MEI4: variants seen among roughly 807,000 people sequenced by gnomAD.
The protein encoded by MEI4 is meiotic double-stranded break formation protein 4, also known as meiosis-specific protein MEI4.
Under a neutral mutation model 31.4 loss-of-function variants are expected in MEI4, and 27 were observed. The observed-to-expected ratio is 0.86, with a 90% CI of 0.63 to 1.19. The LOEUF (loss-of-function observed/expected upper bound fraction) is 1.19, where lower values mean the gene tolerates loss of function less well. Among genes scored for constraint, MEI4 ranks in the 50% most tolerant of loss-of-function variants. MEI4 has a pLI of 0.00. For missense variants in MEI4, 329 were observed against 398.9 expected (o/e 0.82, Z 1.49); for synonymous variants, 122 against 145.4 (o/e 0.84, Z 1.16).
chr6:77,733,153 G>A lies in MEI4; in HGVS notation c.233-27977G>A, dbSNP rs533771082. Among the ~76,000 whole-genome samples the A allele has an allele frequency of 2.5e-4, 38 of 152,006 alleles. No individual in the cohort carries two copies. In the East Asian group the frequency reaches 6.8e-3, roughly 27 times the overall value. ...GATGCTGGCTTCATAAAATGAGTTA[G>A]GGAGGATTCCCTCTTTTTCTATTGA... On this transcript the variant is annotated intron_variant, in intron 2 of 4. Transcript: ENST00000684080.
At chr6:77,852,170 C>G (rs1281999613) in intron 4 of MEI4, among the ~76,000 whole-genome samples, 1 of 152,164 alleles carries the variant, frequency 6.6e-6, no homozygotes, top group African/African-American at 2.4e-5. Context: ...CTCAGCCTCT[C>G]TGTATCAGAA....
At chr6:77,911,039 A>G (rs927011050) in intron 4 of MEI4, among the ~76,000 whole-genome samples, 8 of 146,348 alleles carry the variant, frequency 5.5e-5, no homozygotes, top group East Asian at 2.0e-4. Flanking sequence ...ATTTTTTTGT[A>G]TAACTGTTAC....
intron 2 of MEI4, among the ~76,000 whole-genome samples, chr6:77,754,842 A>G (rs773419757): frequency 5.5e-4 from 83 of 151,870 alleles, no homozygotes; most frequent in Non-Finnish European, 1.1e-3. Context: ...TCTTGTGACA[A>G]CTCACTCACT....
intron 2 of MEI4, among the ~76,000 whole-genome samples, chr6:77,733,039 T>G (rs1362375073): frequency 6.6e-6 from 1 of 151,934 alleles, no homozygotes; most frequent in Non-Finnish European, 1.5e-5. Flanking sequence ...CAGTATTTTA[T>G]TGAGGATTTT....
At chr6:77,816,194 GT>G (rs1170720899) in intron 3 of MEI4, among the ~76,000 whole-genome samples, 1 of 152,054 alleles carries the variant, frequency 6.6e-6, no homozygotes, top group Non-Finnish European at 1.5e-5. Context: ...TGATATGTTT[GT>G]ATTCTAGATA....
intron 3 of MEI4, among the ~76,000 whole-genome samples, chr6:77,809,991 G>A (rs531393211): frequency 6.1e-4 from 93 of 152,058 alleles, no homozygotes; most frequent in Non-Finnish European, 1.1e-3. Context: ...CTAATATCAT[G>A]TGCAGTTGGC....
intron 4 of MEI4, among the ~76,000 whole-genome samples, chr6:77,835,926 A>G (rs1312975249): frequency 6.6e-6 from 1 of 152,136 alleles, no homozygotes; most frequent in African/African-American, 2.4e-5. Flanking sequence ...AGAGCTACCC[A>G]AATATACCAT....
intron 3 of MEI4, among the ~76,000 whole-genome samples, chr6:77,800,592 A>T (rs1769224570): frequency 6.6e-6 from 1 of 152,168 alleles, no homozygotes; most frequent in African/African-American, 2.4e-5. Context: ...GAATGCTTCC[A>T]GTTTTTGCCC....
intron 3 of MEI4, among the ~76,000 whole-genome samples, chr6:77,792,717 AT>A (rs1202853502): frequency 5.1e-3 from 709 of 140,128 alleles, no homozygotes; most frequent in Middle Eastern, 0.014. Flanking sequence ...TCCCAACACT[AT>A]TTTTTTTTTT....
chr6:77,716,435 T>G (rs79104649), intron 2 of MEI4, among the ~76,000 whole-genome samples: 20,936 of 151,956 alleles, frequency 0.14, 1,527 homozygotes, highest in Middle Eastern at 0.21. Flanking sequence ...TTGAAAAAAA[T>G]GCAGTTTTTA....
At chr6:77,769,442 A>C (rs1190655041) in intron 3 of MEI4, among the ~76,000 whole-genome samples, 1 of 152,148 alleles carries the variant, frequency 6.6e-6, no homozygotes, top group Admixed American at 6.5e-5. Flanking sequence ...AAGGACTGCA[A>C]TTCCTGCACA....
chr6:77,904,155 T>A (rs1164880840), intron 4 of MEI4, among the ~76,000 whole-genome samples: 1 of 152,250 alleles, frequency 6.6e-6, no homozygotes, highest in African/African-American at 2.4e-5. Flanking sequence ...AATTACTTAT[T>A]TTTCCCTAGT....
chr6:77,862,433 C>T (rs187349305), intron 4 of MEI4, among the ~76,000 whole-genome samples: 2 of 152,358 alleles, frequency 1.3e-5, no homozygotes, highest in African/African-American at 2.4e-5. Flanking sequence ...TTATATCCCA[C>T]GCATGGCTCA....
intron 1 of MEI4, among the ~76,000 whole-genome samples, chr6:77,683,574 C>G (rs977708078): frequency 2.0e-5 from 3 of 152,070 alleles, no homozygotes; most frequent in Non-Finnish European, 4.4e-5. Flanking sequence ...GGCCCCCACC[C>G]TTGGAAACCA....
chr6:77,781,858 T>C lies in MEI4; in HGVS notation c.768+20193T>C, dbSNP rs1244580742. 3.9e-5 allele frequency among the ~76,000 whole-genome samples: 6 copies of C among 152,170 alleles called. 1 individual carries two copies. Among genetic ancestry groups the C allele is most frequent in the Admixed American group, 3.9e-4 (6 of 15,266 alleles). On this transcript the variant is annotated intron_variant, in intron 3 of 4. Transcript: ENST00000684080. ...CCTGATAGCCCAAGGCCCTGTACTCTGCTGTTGTCTTTTCTCTAAGCTCAG... is the reference window on the plus strand; with the variant it reads ...CCTGATAGCCCAAGGCCCTGTACTCCGCTGTTGTCTTTTCTCTAAGCTCAG...
intron 1 of MEI4, among the ~76,000 whole-genome samples, chr6:77,680,919 G>A (rs1368066676): frequency 3.3e-5 from 5 of 151,958 alleles, no homozygotes; most frequent in Non-Finnish European, 7.4e-5. Context: ...TCTGTCTGTG[G>A]GACTGCACTT....
rs141906910 is a variant in MEI4, at chr6:77,756,989, T to C, written c.233-4141T>C. Among the ~76,000 whole-genome samples, 4 of 152,258 alleles carry C rather than the reference T, an allele frequency of 2.6e-5. No individual in the cohort carries two copies. The East Asian group carries it at 7.7e-4, about 29-fold the overall frequency. ...ATTTAGAAATCAATGAACACTATAA[T>C]GGAAATGTACAGAAGCTGGAATAGA... On this transcript the variant is annotated intron_variant, in intron 2 of 4. Transcript: ENST00000684080.
At chr6:77,818,158 A>C (rs1037582322) in intron 3 of MEI4, among the ~76,000 whole-genome samples, 1 of 152,160 alleles carries the variant, frequency 6.6e-6, no homozygotes, top group Non-Finnish European at 1.5e-5. Context: ...AAAAACTTAC[A>C]TTGCTGCCTA....
chr6:77,844,362 A>G (rs1770430508), intron 4 of MEI4, among the ~76,000 whole-genome samples: 1 of 152,144 alleles, frequency 6.6e-6, no homozygotes, highest in African/African-American at 2.4e-5. Context: ...AAATCTCTCC[A>G]TCTACATTGG....
Sources: allele counts gnomAD v4.1 joint callset (sites outside exome capture counted in the v4.1 genomes callset), GRCh38; gene constraint gnomAD v4.1.1; transcripts MANE v1.5; gene names NCBI Gene and HGNC (gene_info 2026-07-23, HGNC 2026-07-21).